RTN1: variants seen among roughly 807,000 people sequenced by gnomAD.
The protein encoded by RTN1 is reticulon 1.
Under a neutral mutation model 65.5 loss-of-function variants are expected in RTN1, and 25 were observed. The observed-to-expected ratio is 0.38, with a 90% CI of 0.28 to 0.53. The LOEUF (loss-of-function observed/expected upper bound fraction) is 0.53, where lower values mean the gene tolerates loss of function less well. Ranked by LOEUF, RTN1 falls within the 20% of genes least tolerant of loss-of-function variation. RTN1 has a pLI of 0.79. For synonymous variants in RTN1, 471 were observed against 447.6 expected (o/e 1.05, Z -0.66); for missense variants, 983 against 1,025.4 (o/e 0.96, Z 0.57).
chr14:59,696,028 C>T (rs921313512), intron 3 of RTN1, among the ~76,000 whole-genome samples: 1 of 151,792 alleles, frequency 6.6e-6, no homozygotes, highest in South Asian at 2.1e-4. Flanking sequence ...GTTTTTAGGG[C>T]CCTCATTTTA....
At chr14:59,731,371 C>G (rs556264424) in intron 2 of RTN1, among the ~76,000 whole-genome samples, 2 of 152,056 alleles carry the variant, frequency 1.3e-5, no homozygotes, top group South Asian at 4.2e-4. Context: ...AAAGGGGGTG[C>G]AGGGTTTCTT....
At chr14:59,728,336 A>G (rs73311574) in intron 2 of RTN1, among the ~76,000 whole-genome samples, 11,995 of 148,380 alleles carry the variant, frequency 0.081, 1,523 homozygotes, top group African/African-American at 0.28. Flanking sequence ...GGCTGTGCAG[A>G]TTACCATAAT....
chr14:59,869,024 G>A (rs566916091), intron 1 of RTN1, among the ~76,000 whole-genome samples: 21 of 152,110 alleles, frequency 1.4e-4, no homozygotes, highest in Non-Finnish European at 2.5e-4. Flanking sequence ...AACCTTTGGC[G>A]TTTGGCGTTG....
At chr14:59,712,379 C>T in intron 3 of RTN1, among the ~76,000 whole-genome samples, 1 of 152,102 alleles carries the variant, frequency 6.6e-6, no homozygotes, top group East Asian at 1.9e-4. Context: ...GGGTGAGGAA[C>T]TAAGCATATA....
At chr14:59,819,403 A>ACCCCCCCCCCCCCCCCC (rs1886883962) in intron 1 of RTN1, among the ~76,000 whole-genome samples, 1 of 39,282 alleles carries the variant, frequency 2.5e-5, no homozygotes, top group African/African-American at 1.8e-4. Flanking sequence ...TGGTGCATCC[A>ACCCCCCCCCCCCCCCCC]CACCACCACC....
Position 59,701,921 on chromosome 14 carries a change from A to G in RTN1, c.1765+24998T>C, listed in dbSNP as rs114801318. On this transcript the variant is annotated intron_variant, in intron 3 of 8. Transcript: ENST00000267484. The stretch of plus-strand genomic sequence containing the variant: ...TCCTGTTTCAGATTCTTACGTAGTT[A>G]TCTGTGCCTCACTTACCCTAACTGT... Among the ~76,000 whole-genome samples, 1,044 of 152,322 alleles carry G rather than the reference A, an allele frequency of 6.9e-3. 6 individuals carry two copies. Among genetic ancestry groups the G allele is most frequent in the African/African-American group, 0.024 (1,010 of 41,580 alleles).
chr14:59,870,081 T>C lies in RTN1; in HGVS notation c.241+309A>G, dbSNP rs571225988. Among the ~76,000 whole-genome samples, 19 of 152,282 alleles carry C rather than the reference T, an allele frequency of 1.2e-4. No homozygotes were observed. In the East Asian group the frequency reaches 3.5e-3, roughly 28 times the overall value. The stretch of plus-strand genomic sequence containing the variant: ...CCTCCTGGCAGGAGGGAGAAACTTG[T>C]ACCCAGACTCGCCAGCAGCCAGAAT... On this transcript the variant is annotated intron_variant, in intron 1 of 8. Transcript: ENST00000267484. The surrounding 1 kb of genome is among the most constrained non-coding windows in gnomAD (Gnocchi z 5.1).
At chr14:59,753,539 G>T (rs765780309) in intron 1 of RTN1, among the ~76,000 whole-genome samples, 16 of 152,100 alleles carry the variant, frequency 1.1e-4, no homozygotes, top group Non-Finnish European at 2.2e-4. Context: ...AATCCTCAAG[G>T]TTCTAACTTA....
At chr14:59,865,629 C>T (rs924838491) in intron 1 of RTN1, among the ~76,000 whole-genome samples, 1 of 152,114 alleles carries the variant, frequency 6.6e-6, no homozygotes, top group African/African-American at 2.4e-5. Flanking sequence ...TCTCTTTGCC[C>T]TCAAATATTA....
intron 3 of RTN1, among the ~76,000 whole-genome samples, chr14:59,639,540 A>G (rs947799953): frequency 6.6e-6 from 1 of 152,138 alleles, no homozygotes; most frequent in Non-Finnish European, 1.5e-5. Context: ...ACCTTGTCCT[A>G]CTGCACTGGC....
At chr14:59,610,167 A>G in intron 3 of RTN1, 1 of 768,696 alleles carries the variant, frequency 1.3e-6, no homozygotes. Flanking sequence ...TAAATCTCCA[A>G]CCAGGAGGCC....
intron 2 of RTN1, among the ~76,000 whole-genome samples, chr14:59,736,238 G>T (rs1245908270): frequency 1.3e-5 from 2 of 151,936 alleles, no homozygotes; most frequent in African/African-American, 4.8e-5. Context: ...ACAAATCTAG[G>T]AGCTGTTTTT....
chr14:59,619,936 G>A (rs61125028), intron 3 of RTN1, among the ~76,000 whole-genome samples: 2,483 of 152,210 alleles, frequency 0.016, 54 homozygotes, highest in African/African-American at 0.056. Flanking sequence ...AAGCCTTATC[G>A]TAAGGGGCTG....
In RTN1 at chr14:59,727,049, A is replaced by G; in HGVS notation, c.1635T>C (p.Pro545=). 6.2e-7 allele frequency: 1 copy of G among 1,613,184 alleles called. No homozygotes were observed. The highest frequency in any genetic ancestry group is 8.5e-7 in the Non-Finnish European group (1 of 1,179,596). Residue 545 remains proline (P), a synonymous_variant, in exon 3 of 9, where the codon CCT becomes CCC. Coordinates refer to ENST00000267484, the MANE Select transcript of RTN1 (RefSeq NM_021136.3). This position sits in a 1 kb window ranked among gnomAD's most constrained non-coding sequence, Gnocchi z 4.2. The part of the protein sequence containing the change: ...ELPPGDGALE[P]ETPMLPRKPE... Reference sequence around the variant, plus strand: ...GCTTCCGTGGCAACATGGGCGTCTCAGGCTCCAGGGCTCCGTCTCCAGGGG... The same window carrying G: ...GCTTCCGTGGCAACATGGGCGTCTCGGGCTCCAGGGCTCCGTCTCCAGGGG...
At chr14:59,679,448 A>G (rs1356443486) in intron 3 of RTN1, among the ~76,000 whole-genome samples, 1 of 152,206 alleles carries the variant, frequency 6.6e-6, no homozygotes, top group African/African-American at 2.4e-5. Flanking sequence ...AGCTAAGACC[A>G]TGAGGTCTTT....
At chr14:59,694,313 G>T (rs1884019001) in intron 3 of RTN1, among the ~76,000 whole-genome samples, 1 of 152,148 alleles carries the variant, frequency 6.6e-6, no homozygotes, top group East Asian at 1.9e-4. Context: ...AGTAAGGAGA[G>T]TCATAGTTCT....
At chr14:59,858,305 T>C (rs530397838) in intron 1 of RTN1, among the ~76,000 whole-genome samples, 1 of 152,316 alleles carries the variant, frequency 6.6e-6, no homozygotes, top group African/African-American at 2.4e-5. Context: ...CTCCATGTGA[T>C]GTTGGAGCAG....
rs1454661991 is a variant in RTN1 at position 59,603,102 on chromosome 14, C to G, written c.2251G>C (p.Gly751Arg). ...KHQAQIDQYL[G>R]LVRTHINAVV... ...GCATTTATGTGAGTCCTCACAAGTC[C>G]CAGATATTGGTCAATCTGTGCCTAC... is the stretch of plus-strand genomic sequence containing the variant. Residue 751 changes from glycine to arginine, a missense_variant, in exon 8 of 9, where the codon GGA becomes CGA. By Grantham distance (125) the Gly-to-Arg change is moderately radical. Coordinates refer to ENST00000267484, the MANE Select transcript of RTN1 (RefSeq NM_021136.3). 6.2e-7 allele frequency: 1 copy of G among 1,613,110 alleles called. No homozygotes were observed. The highest frequency in any genetic ancestry group is 1.3e-5 in the African/African-American group (1 of 74,776).
chr14:59,757,746 T>C (rs1339371265), intron 1 of RTN1, among the ~76,000 whole-genome samples: 1 of 152,158 alleles, frequency 6.6e-6, no homozygotes, highest in Non-Finnish European at 1.5e-5. Context: ...TGCCTTGATC[T>C]TGGACTTTCT....
Sources: gnomAD v4.1 joint callset for allele counts (sites outside exome capture counted in the v4.1 genomes callset) on GRCh38, gnomAD v4.1.1 for gene constraint, Gnocchi (gnomAD v3.1) non-coding constraint, MANE v1.5 for transcripts, NCBI Gene and HGNC (gene_info 2026-07-23, HGNC 2026-07-21) for gene names.